The following GLI3 variants were observed in gnomAD, a reference collection of about 807,000 sequenced individuals.
The protein encoded by GLI3 is transcription activator GLI3.
Under a neutral mutation model 100.8 loss-of-function variants are expected in GLI3, and 20 were observed. The observed-to-expected ratio is 0.20, with a 90% CI of 0.14 to 0.29. The LOEUF is 0.29. Among genes scored for constraint, GLI3 ranks in the 10% least tolerant of loss-of-function variants. GLI3 has a pLI of 1.00. For synonymous variants in GLI3, 938 were observed against 860.5 expected, an observed-to-expected ratio of 1.09 and a Z score of -1.58; for missense variants, 2,040 against 2,128.5, an observed-to-expected ratio of 0.96 and a Z score of 0.82.
intron 1 of GLI3, among the ~76,000 whole-genome samples, chr7:42,229,839 T>A (rs1788659986): frequency 6.6e-6 from 1 of 152,158 alleles, no homozygotes; most frequent in Admixed American, 6.5e-5. Context: ...ATTCTGGAAG[T>A]GAGAAATAGT....
chr7:42,251,154 T>A (rs1419131112), intron 1 of GLI3, among the ~76,000 whole-genome samples: 1 of 152,180 alleles, frequency 6.6e-6, no homozygotes, highest in Non-Finnish European at 1.5e-5. Flanking sequence ...CCTTAGGAAC[T>A]CCTAAGAGGG....
chr7:42,249,678 C>A (rs947365179), intron 1 of GLI3, among the ~76,000 whole-genome samples: 10 of 152,124 alleles, frequency 6.6e-5, no homozygotes, highest in Non-Finnish European at 1.2e-4. Context: ...CCAGTATAGA[C>A]CCTGAGACTA....
Position 42,045,462 on chromosome 7 carries a change from G to T in GLI3, c.748C>A (p.Pro250Thr). 6.2e-7 allele frequency: 1 copy of T among 1,613,942 alleles called. No homozygotes were observed. Among genetic ancestry groups the T allele is most frequent in the South Asian group, 1.1e-5 (1 of 91,088 alleles). The change falls in exon 6 of 15, where the codon CCC (proline) becomes ACC (threonine). Residue 250 changes from proline (P) to threonine (T), a missense_variant. Physicochemically the swap from Pro to Thr is conservative, Grantham distance 38. Coordinates refer to ENST00000395925, the MANE Select transcript of GLI3 (RefSeq NM_000168.6). ...QMALLTGQRSPYADIIPSAAT... is the reference protein window; with the variant it reads ...QMALLTGQRSTYADIIPSAAT... Reference sequence around the variant, plus strand: ...GCTGAGGGAATAATGTCTGCATAGGGGCTGCGCTGGCCAGTTAGCAGGGCC... The same window carrying T: ...GCTGAGGGAATAATGTCTGCATAGGTGCTGCGCTGGCCAGTTAGCAGGGCC...
At chr7:42,223,333 G>A (rs566072497) in intron 1 of GLI3, 38 bp from the exon 2 acceptor site, 2 of 1,120,626 alleles carry the variant, frequency 1.8e-6, no homozygotes, top group East Asian at 2.8e-5. Flanking sequence ...TTCCAAAATG[G>A]TGGAAAAAAA....
rs1787543506 is a variant in GLI3 at position 41,977,527 on chromosome 7, T to C, written c.1812+31A>G. 2.5e-6 allele frequency: 4 copies of C among 1,610,378 alleles called. No individual in the cohort carries two copies. In the South Asian group the frequency reaches 4.4e-5, roughly 18 times the overall value. The stretch of plus-strand genomic sequence containing the variant: ...CCCGGGATAGTTCTTTGTTTCCTTA[T>C]GCAAGCTCCATGCCCACTGAGGATG... On this transcript the variant is annotated intron_variant, in intron 12 of 14. Coordinates refer to ENST00000395925, the MANE Select transcript of GLI3 (RefSeq NM_000168.6).
At chr7:42,221,251 T>C (rs1368275206) in intron 2 of GLI3, among the ~76,000 whole-genome samples, 1 of 152,166 alleles carries the variant, frequency 6.6e-6, no homozygotes, top group Non-Finnish European at 1.5e-5. Flanking sequence ...GCAGCTGCAG[T>C]GGAAGACCTC....
chr7:41,986,788 GTATACTTTAAA>G (rs1432398872), intron 10 of GLI3, among the ~76,000 whole-genome samples: 1 of 151,696 alleles, frequency 6.6e-6, no homozygotes, highest in African/African-American at 2.4e-5. Flanking sequence ...ACGAATTGCT[GTATACTTTAAA>G]TGGATGAATT....
intron 4 of GLI3, among the ~76,000 whole-genome samples, chr7:42,062,694 A>G (rs528020605): frequency 2.0e-3 from 276 of 137,960 alleles, no homozygotes; most frequent in Non-Finnish European, 3.6e-3. Flanking sequence ...GAAGGTTTAT[A>G]TATTATACAC....
At chr7:42,050,267 G>A (rs1583510673) in intron 4 of GLI3, among the ~76,000 whole-genome samples, 4 of 152,264 alleles carry the variant, frequency 2.6e-5, no homozygotes, top group Admixed American at 2.6e-4. Flanking sequence ...TTTACACATG[G>A]GAAGAGTAAG....
At chr7:42,114,765 G>A (rs1350179959) in intron 3 of GLI3, among the ~76,000 whole-genome samples, 1 of 151,782 alleles carries the variant, frequency 6.6e-6, no homozygotes, top group African/African-American at 2.4e-5. Context: ...GCAGTGGTGT[G>A]ATCTCGGCTC....
intron 6 of GLI3, 81 bp downstream of exon 6, chr7:42,045,303 T>C (rs1228485669): frequency 7.6e-7 from 1 of 1,311,522 alleles, no homozygotes; most frequent in African/African-American, 1.4e-5. Context: ...CACAATCACC[T>C]AATCTTTGTA....
chr7:42,216,661 C>T (rs1376536312), intron 2 of GLI3, among the ~76,000 whole-genome samples: 1 of 151,966 alleles, frequency 6.6e-6, no homozygotes, highest in Non-Finnish European at 1.5e-5. Flanking sequence ...AAGTCTATTA[C>T]TTAAAATAAT....
At chr7:42,250,761 C>T (rs111510887) in intron 1 of GLI3, among the ~76,000 whole-genome samples, 2 of 152,050 alleles carry the variant, frequency 1.3e-5, no homozygotes, top group Non-Finnish European at 2.9e-5. Context: ...GAGGAAAAGG[C>T]GGGTGGGGGG....
intron 2 of GLI3, among the ~76,000 whole-genome samples, chr7:42,202,003 A>G (rs1308839763): frequency 6.8e-6 from 1 of 146,790 alleles, no homozygotes; most frequent in East Asian, 2.1e-4. Flanking sequence ...AATCGCTTGA[A>G]CCCAGGAGGC....
At chr7:42,122,395 C>G (rs968536145) in intron 3 of GLI3, among the ~76,000 whole-genome samples, 7 of 152,012 alleles carry the variant, frequency 4.6e-5, no homozygotes, top group Non-Finnish European at 1.0e-4. Flanking sequence ...ATTGTTGGAA[C>G]AGGAAACTAG....
chr7:42,250,011 C>T (rs775178947), intron 1 of GLI3, among the ~76,000 whole-genome samples: 1 of 152,072 alleles, frequency 6.6e-6, no homozygotes, highest in Admixed American at 6.5e-5. Flanking sequence ...GGGAGGATTG[C>T]TTGAATCCAG....
At chr7:42,033,665 ACT>A (rs1379649623) in intron 7 of GLI3, among the ~76,000 whole-genome samples, 3 of 152,146 alleles carry the variant, frequency 2.0e-5, no homozygotes, top group African/African-American at 7.2e-5. Flanking sequence ...GGTCATCCTC[ACT>A]CTGGTTACAG....
intron 4 of GLI3, among the ~76,000 whole-genome samples, chr7:42,050,105 G>A (rs563775299): frequency 2.0e-5 from 3 of 152,128 alleles, no homozygotes; most frequent in Non-Finnish European, 4.4e-5. Flanking sequence ...AGTAGAAAAT[G>A]AAAGAAGTTG....
chr7:41,983,125 A>T (rs1367001709), intron 10 of GLI3, among the ~76,000 whole-genome samples: 1 of 152,256 alleles, frequency 6.6e-6, no homozygotes, highest in Non-Finnish European at 1.5e-5. Flanking sequence ...AGAAACAAGC[A>T]GCTGGATTTG....
Sources: gnomAD v4.1 joint callset for allele counts (sites outside exome capture counted in the v4.1 genomes callset) on GRCh38, gnomAD v4.1.1 for gene constraint, MANE v1.5 for transcripts, NCBI Gene and HGNC (gene_info 2026-07-23, HGNC 2026-07-21) for gene names.